JARID2: variants seen among roughly 807,000 people sequenced by gnomAD.
JARID2 encodes the protein jumonji and AT-rich interaction domain containing 2, also known as protein Jumonji.
Under a neutral mutation model 125.6 loss-of-function variants are expected in JARID2, and 21 were observed. The observed-to-expected ratio is 0.17, with a 90% CI of 0.12 to 0.24. The LOEUF (loss-of-function observed/expected upper bound fraction) is 0.24. Ranked by LOEUF, JARID2 falls within the 10% of genes least tolerant of loss-of-function variation. JARID2 has a pLI of 1.00. For missense variants in JARID2, 1,303 were observed against 1,639.6 expected (o/e 0.79, Z 3.55); for synonymous variants, 736 against 661.6 (o/e 1.11, Z -1.73).
chr6:15,289,077 G>C (rs906478491), intron 1 of JARID2, among the ~76,000 whole-genome samples: 2 of 152,106 alleles, frequency 1.3e-5, no homozygotes, highest in Non-Finnish European at 2.9e-5. Flanking sequence ...TCTTGATTGG[G>C]GTTGGTGAAA....
intron 1 of JARID2, among the ~76,000 whole-genome samples, chr6:15,373,317 C>A (rs1384167564): frequency 6.6e-6 from 1 of 152,092 alleles, no homozygotes; most frequent in African/African-American, 2.4e-5. Context: ...TTGAGTCTTT[C>A]TTTATATCTT....
In JARID2 at chr6:15,457,011, C is replaced by T. The variant is rs375529205; in HGVS notation, c.493+4836C>T. ...ATCTCCACCATCTCCCAGAGACGAC[C>T]GCTGTTAATTACCTTGTTTGTGACT... On this transcript the variant is annotated intron_variant, in intron 4 of 17. Coordinates refer to ENST00000341776, the MANE Select transcript of JARID2 (RefSeq NM_004973.4). Among the ~76,000 whole-genome samples the T allele has an allele frequency of 3.3e-5, 5 of 151,418 alleles. No individual in the cohort carries two copies. The South Asian group carries it at 8.3e-4, about 25-fold the overall frequency.
At chr6:15,397,042 C>T (rs1581502152) in intron 2 of JARID2, among the ~76,000 whole-genome samples, 1 of 152,192 alleles carries the variant, frequency 6.6e-6, no homozygotes, top group East Asian at 1.9e-4. Context: ...AATTACCAAG[C>T]CTTCTTGGAA....
At chr6:15,504,089 A>C (rs2127749775) in intron 8 of JARID2, among the ~76,000 whole-genome samples, 1 of 152,278 alleles carries the variant, frequency 6.6e-6, no homozygotes, top group Admixed American at 6.5e-5. Context: ...CCTGGTCACG[A>C]GTTCCATCAG....
intron 12 of JARID2, among the ~76,000 whole-genome samples, chr6:15,510,650 G>A (rs566763021): frequency 3.3e-5 from 5 of 152,078 alleles, no homozygotes; most frequent in Admixed American, 6.5e-5. Context: ...TGCCGGGTAG[G>A]CTGGGTCCTA....
At chr6:15,301,494 C>T (rs994953284) in intron 1 of JARID2, among the ~76,000 whole-genome samples, 1 of 152,124 alleles carries the variant, frequency 6.6e-6, no homozygotes, top group Non-Finnish European at 1.5e-5. Context: ...TATTTATTGA[C>T]TGTGGAGGTT....
chr6:15,507,664 A>G (rs906403467), intron 11 of JARID2, among the ~76,000 whole-genome samples: 4 of 152,244 alleles, frequency 2.6e-5, no homozygotes, highest in Admixed American at 2.6e-4. Flanking sequence ...TTAGGGGCCA[A>G]CTTTGAACCT....
intron 1 of JARID2, among the ~76,000 whole-genome samples, chr6:15,372,676 C>T (rs1328986854): frequency 6.6e-6 from 1 of 151,400 alleles, no homozygotes; most frequent in South Asian, 2.1e-4. Flanking sequence ...CTTTTAAGGC[C>T]CAAAGTATCT....
At chr6:15,266,068 A>C (rs1161657888) in intron 1 of JARID2, among the ~76,000 whole-genome samples, 1 of 152,186 alleles carries the variant, frequency 6.6e-6, no homozygotes, top group Non-Finnish European at 1.5e-5. Context: ...TCCAAATTAA[A>C]GGTCAATACT....
intron 16 of JARID2, among the ~76,000 whole-genome samples, chr6:15,514,311 TGCCCGAAGG>T (rs1355922127): frequency 6.6e-6 from 1 of 152,240 alleles, no homozygotes; most frequent in African/African-American, 2.4e-5. Flanking sequence ...ACAGAGAGCA[TGCCCGAAGG>T]GCCTGACCTG....
intron 3 of JARID2, among the ~76,000 whole-genome samples, chr6:15,426,460 G>T (rs1401407245): frequency 6.6e-6 from 1 of 152,204 alleles, no homozygotes; most frequent in African/African-American, 2.4e-5. Context: ...CAGCTAGGCA[G>T]ACTGGAAATG....
chr6:15,327,340 C>T (rs1466350062), intron 1 of JARID2, among the ~76,000 whole-genome samples: 1 of 152,064 alleles, frequency 6.6e-6, no homozygotes, highest in Non-Finnish European at 1.5e-5. Context: ...CCTTTTGACT[C>T]GCCTCCACCC....
In JARID2 at chr6:15,504,382, A is replaced by G. The variant is rs1770893896; in HGVS notation, c.2449-118A>G. The G allele has an allele frequency of 2.8e-6, 2 of 713,786 alleles. 1 individual carries two copies. The highest frequency in any genetic ancestry group is 5.1e-6 in the Non-Finnish European group (2 of 394,364). The allele number at this position is 713,786 out of a possible 1,614,324, so 44.2% of individuals were successfully genotyped here. On this transcript the variant is annotated intron_variant, in intron 8 of 17. Transcript: ENST00000341776. ...CTGCCTGTCATTAACTCAGAATACA[A>G]GGTGGCCCACAGCCGCAGGGACGCC...
intron 2 of JARID2, among the ~76,000 whole-genome samples, chr6:15,397,862 G>A (rs991055057): frequency 1.3e-5 from 2 of 152,170 alleles, no homozygotes; most frequent in African/African-American, 2.4e-5. Context: ...TTGCAACATG[G>A]TTCATGATAG....
At chr6:15,416,370 C>G (rs1054961077) in intron 3 of JARID2, among the ~76,000 whole-genome samples, 115 of 152,290 alleles carry the variant, frequency 7.6e-4, no homozygotes, top group African/African-American at 2.7e-3. Context: ...GAGCCGAGAT[C>G]ACGCCACTGC....
In JARID2 at chr6:15,496,116, T is replaced by C. The variant is rs1770406648; in HGVS notation, c.907-16T>C. ...ATTCTGCGTTTTTTTCCACCTCTGC[T>C]TCTGCTGCTCCACAGGTTTCTAAGG... On this transcript the variant is annotated splice_polypyrimidine_tract_variant and intron_variant, in intron 6 of 17. Transcript: ENST00000341776. 8 of 1,589,224 alleles carry C rather than the reference T, an allele frequency of 5.0e-6. No individual in the cohort carries two copies. The highest frequency in any genetic ancestry group is 3.4e-6 in the Non-Finnish European group (4 of 1,165,946).
chr6:15,498,236 AC>A (rs1157394017), intron 7 of JARID2, among the ~76,000 whole-genome samples: 17 of 151,970 alleles, frequency 1.1e-4, no homozygotes, highest in Non-Finnish European at 1.5e-5. Context: ...GGATCTGTTG[AC>A]CTTTTTTCTG....
At chr6:15,277,115 T>TAA (rs1447716548) in intron 1 of JARID2, among the ~76,000 whole-genome samples, 1 of 152,194 alleles carries the variant, frequency 6.6e-6, no homozygotes, top group Non-Finnish European at 1.5e-5. Flanking sequence ...TTAAGTAACA[T>TAA]AAGTACATAA....
intron 1 of JARID2, among the ~76,000 whole-genome samples, chr6:15,333,504 T>C (rs1039603052): frequency 2.6e-5 from 4 of 152,198 alleles, no homozygotes; most frequent in Non-Finnish European, 4.4e-5. Context: ...TGTTTCTCCA[T>C]GTTCCGTGAA....
Sources: allele counts gnomAD v4.1 joint callset (sites outside exome capture counted in the v4.1 genomes callset), GRCh38; gene constraint gnomAD v4.1.1; transcripts MANE v1.5; gene names NCBI Gene and HGNC (gene_info 2026-07-23, HGNC 2026-07-21).